Variants in TANC2 observed in about 807,000 individuals in gnomAD.
TANC2 encodes protein TANC2.
Under a neutral mutation model 210.5 loss-of-function variants are expected in TANC2, and 26 were observed. The ratio of observed to expected loss-of-function variants is 0.12; its 90% CI spans 0.09 to 0.17. TANC2 has a LOEUF of 0.17. TANC2 is among the 10% of genes least tolerant of loss of function. The probability of loss-of-function intolerance (pLI) is 1.00; values close to 1 mark genes in which losing one functional copy is unlikely to be tolerated. For missense variants in TANC2, 2,129 were observed against 2,608.9 expected (o/e 0.82, Z 4.01); for synonymous variants, 931 against 967.1 (o/e 0.96, Z 0.69).
intron 11 of TANC2, among the ~76,000 whole-genome samples, chr17:63,325,961 AATTTGT>A (rs2045632891): frequency 6.6e-6 from 1 of 152,236 alleles, no homozygotes; most frequent in Non-Finnish European, 1.5e-5. Flanking sequence ...TTTTCTTTAA[AATTTGT>A]ATTTGTTATC....
At chr17:63,345,101 C>A (rs1184318644) in intron 12 of TANC2, among the ~76,000 whole-genome samples, 2 of 152,122 alleles carry the variant, frequency 1.3e-5, no homozygotes, top group Non-Finnish European at 2.9e-5. Context: ...TTCAGGTAAC[C>A]CCTTGCTATT....
intron 1 of TANC2, among the ~76,000 whole-genome samples, chr17:62,976,928 G>A (rs934851254): frequency 6.6e-6 from 1 of 152,100 alleles, no homozygotes; most frequent in Non-Finnish European, 1.5e-5. Flanking sequence ...CAAGTCGCTA[G>A]CCAATCGTGA....
intron 3 of TANC2, among the ~76,000 whole-genome samples, chr17:63,091,588 G>T (rs2037195849): frequency 6.6e-6 from 1 of 152,178 alleles, no homozygotes; most frequent in South Asian, 2.1e-4. Context: ...TTTGGTACCA[G>T]TACCATGCTG....
At chr17:63,219,960 T>C (rs2042124131) in intron 7 of TANC2, among the ~76,000 whole-genome samples, 1 of 152,086 alleles carries the variant, frequency 6.6e-6, no homozygotes, top group Admixed American at 6.6e-5. Context: ...TTCAAAACAG[T>C]GTGTTACTGC....
At chr17:63,362,946 A>G (rs2047009338) in intron 14 of TANC2, among the ~76,000 whole-genome samples, 1 of 152,158 alleles carries the variant, frequency 6.6e-6, no homozygotes, top group Non-Finnish European at 1.5e-5. Flanking sequence ...GGAACCTCCA[A>G]ACTGTTCTCC....
At chr17:63,405,573 TA>T (rs2048478173) in intron 20 of TANC2, among the ~76,000 whole-genome samples, 1 of 151,682 alleles carries the variant, frequency 6.6e-6, no homozygotes, top group Non-Finnish European at 1.5e-5. Context: ...GCTAATCACT[TA>T]CTTGCAGATG....
chr17:62,968,528 G>A (rs1277665956), intron 1 of TANC2: 5 of 152,246 alleles, frequency 3.3e-5, no homozygotes, highest in Admixed American at 2.6e-4. Context: ...CTGAAGAACA[G>A]AGGAAAGGGC....
intron 11 of TANC2, chr17:63,332,226 A>G: frequency 2.8e-6 from 1 of 359,712 alleles, no homozygotes; most frequent in Non-Finnish European, 5.4e-6. Flanking sequence ...TGGCTATAAT[A>G]ACCTTTTATG....
intron 11 of TANC2, among the ~76,000 whole-genome samples, chr17:63,336,526 C>G (rs1366306519): frequency 6.6e-6 from 1 of 152,154 alleles, no homozygotes; most frequent in African/African-American, 2.4e-5. Flanking sequence ...AGCATTAAAT[C>G]AAGAGATTTT....
At chr17:63,416,758 G>C in intron 26 of TANC2, among the ~76,000 whole-genome samples, 1 of 152,140 alleles carries the variant, frequency 6.6e-6, no homozygotes, top group Non-Finnish European at 1.5e-5. Context: ...CAGAGAACAC[G>C]GCCATGGCCC....
At position 62,995,803 on chromosome 17, in the gene TANC2, A is replaced by G. The variant is rs568866146; in HGVS notation, c.-23-13734A>G. On this transcript the variant is annotated intron_variant, in intron 1 of 27. Transcript: ENST00000689528. ...AAATTTTGCTTTTAGGGAAATTATC[A>G]AAGATTATCAGCTGGGCATAGTGGT... 2.0e-5 allele frequency among the ~76,000 whole-genome samples: 3 copies of G among 152,334 alleles called. No individual in the cohort carries two copies. In the South Asian group the frequency reaches 6.2e-4, roughly 32 times the overall value.
chr17:63,218,873 A>G (rs2042093418), intron 7 of TANC2, among the ~76,000 whole-genome samples: 1 of 152,162 alleles, frequency 6.6e-6, no homozygotes, highest in Non-Finnish European at 1.5e-5. Flanking sequence ...CAGCCTGGGC[A>G]ACAAGAGCGA....
chr17:63,020,694 C>T (rs1194488504), intron 2 of TANC2, among the ~76,000 whole-genome samples: 2 of 152,180 alleles, frequency 1.3e-5, no homozygotes, highest in South Asian at 4.1e-4. Context: ...TTGTTAGAAT[C>T]ATGTGTGACT....
intron 7 of TANC2, among the ~76,000 whole-genome samples, chr17:63,227,675 T>C (rs1213138325): frequency 6.6e-6 from 1 of 152,182 alleles, no homozygotes; most frequent in African/African-American, 2.4e-5. Flanking sequence ...TCATGAAATC[T>C]TTACCCATGC....
In TANC2 at chr17:63,255,392, G is replaced by A. The variant is rs377556750; in HGVS notation, c.1034-12356G>A. On this transcript the variant is annotated intron_variant, in intron 8 of 27. Coordinates refer to ENST00000689528, the Ensembl canonical transcript of TANC2. ...CAGGCGTGAGCCACCGCGCCCGGCCGGCAGTAGTTCTTTTTTAAATGTTTG... is the reference window on the plus strand; with the variant it reads ...CAGGCGTGAGCCACCGCGCCCGGCCAGCAGTAGTTCTTTTTTAAATGTTTG... Among the ~76,000 whole-genome samples the A allele has an allele frequency of 8.5e-5, 13 of 152,066 alleles. No homozygotes were observed. In the East Asian group the frequency reaches 1.7e-3, roughly 20 times the overall value.
chr17:63,314,695 CCT>C (rs752864811), intron 10 of TANC2, 26 bp downstream of exon 10: 5 of 1,604,016 alleles, frequency 3.1e-6, no homozygotes, highest in Non-Finnish European at 4.3e-6. Context: ...TAAAGAACTC[CCT>C]GTTTCATTGG....
chr17:62,994,433 A>G (rs2033014704), intron 1 of TANC2, among the ~76,000 whole-genome samples: 1 of 150,944 alleles, frequency 6.6e-6, no homozygotes, highest in Admixed American at 6.6e-5. Flanking sequence ...TTTCTTGTCC[A>G]ACTTAGGAGG....
intron 9 of TANC2, among the ~76,000 whole-genome samples, chr17:63,289,056 TTCTTA>T (rs1284486086): frequency 2.0e-5 from 3 of 152,214 alleles, no homozygotes; most frequent in Admixed American, 6.5e-5. Flanking sequence ...TCACATGTAA[TTCTTA>T]TCTTTGTTCC....
At chr17:63,124,298 C>G (rs2038617943) in intron 4 of TANC2, among the ~76,000 whole-genome samples, 1 of 151,436 alleles carries the variant, frequency 6.6e-6, no homozygotes, top group Non-Finnish European at 1.5e-5. Context: ...AGAGAAAAAC[C>G]CACTTTAAAA....
Sources: gnomAD v4.1 joint callset for allele counts (sites outside exome capture counted in the v4.1 genomes callset) on GRCh38, gnomAD v4.1.1 for gene constraint, MANE v1.5 for transcripts, NCBI Gene and HGNC (gene_info 2026-07-23, HGNC 2026-07-21) for gene names.